Variants in CPE observed in about 807,000 individuals in gnomAD.
CPE encodes carbocypeptidase E.
In CPE, 17 loss-of-function variants were observed where a neutral mutation model predicts 53.5. That is an observed-to-expected ratio of 0.32 (90% CI 0.22 to 0.48). The LOEUF (loss-of-function observed/expected upper bound fraction) is 0.48, where lower values mean the gene tolerates loss of function less well. Ranked by LOEUF, CPE falls within the 20% of genes least tolerant of loss-of-function variation. The probability of loss-of-function intolerance (pLI) is 0.99; values close to 1 mark genes in which losing one functional copy is unlikely to be tolerated. For synonymous variants in CPE, 226 were observed against 228.8 expected (o/e 0.99, Z 0.11); for missense variants, 524 against 614.7 (o/e 0.85, Z 1.56).
chr4:165,386,530 T>C (rs1244474074), intron 1 of CPE, among the ~76,000 whole-genome samples: 1 of 152,196 alleles, frequency 6.6e-6, no homozygotes, highest in Non-Finnish European at 1.5e-5. Flanking sequence ...ATGGTACTTT[T>C]CTTTTGCATA....
rs1392166741 is a variant in CPE, at chr4:165,451,815, TAC to T, written c.308-12573_308-12572del. Among the ~76,000 whole-genome samples, 6 of 152,020 alleles carry T rather than the reference TAC, an allele frequency of 3.9e-5. No individual in the cohort carries two copies. In the East Asian group the frequency reaches 1.2e-3, roughly 29 times the overall value. ...CAGAAGAGGTTTTAAGAAGACAATT[TAC>T]AGAAAAGAAAACCGAGGCTAGGGGT... is the stretch of plus-strand genomic sequence containing the variant. On this transcript the variant is annotated intron_variant, in intron 1 of 8. Transcript: ENST00000402744.
At chr4:165,423,334 C>G (rs1731258893) in intron 1 of CPE, among the ~76,000 whole-genome samples, 1 of 152,056 alleles carries the variant, frequency 6.6e-6, no homozygotes, top group South Asian at 2.1e-4. Flanking sequence ...TCCTTTCACA[C>G]TATTTCATAA....
In CPE at chr4:165,406,285, G is replaced by A. The variant is rs1730952776; in HGVS notation, c.307+26757G>A. 5.0e-6 allele frequency: 3 copies of A among 598,924 alleles called. No individual in the cohort carries two copies. The Admixed American group carries it at 6.4e-5, about 13-fold the overall frequency. 37.1% of individuals were successfully genotyped at this position (598,924 alleles called of 1,614,324 possible). On this transcript the variant is annotated intron_variant, in intron 1 of 8. Transcript: ENST00000402744. ...GTAAAATTGCGGCGTATATAACCTTGGGAGCGGAGGATCCTGAAGGCAGAG... is the reference window on the plus strand; with the variant it reads ...GTAAAATTGCGGCGTATATAACCTTAGGAGCGGAGGATCCTGAAGGCAGAG...
At chr4:165,414,694 TATAC>T (rs777312126) in intron 1 of CPE, among the ~76,000 whole-genome samples, 195 of 135,210 alleles carry the variant, frequency 1.4e-3, no homozygotes, top group Middle Eastern at 0.012. Flanking sequence ...AATATATATA[TATAC>T]ACACACACAC....
At chr4:165,434,643 T>C (rs377754445) in intron 1 of CPE, among the ~76,000 whole-genome samples, 12 of 152,288 alleles carry the variant, frequency 7.9e-5, no homozygotes, top group Admixed American at 3.3e-4. Flanking sequence ...CTGTATTTAA[T>C]AAGCTTTTGA....
At chr4:165,387,367 C>G (rs1337769866) in intron 1 of CPE, among the ~76,000 whole-genome samples, 1 of 152,232 alleles carries the variant, frequency 6.6e-6, no homozygotes, top group Non-Finnish European at 1.5e-5. Context: ...AATCTCTTTA[C>G]TATCAAATCA....
intron 1 of CPE, among the ~76,000 whole-genome samples, chr4:165,400,320 A>G (rs1730845538): frequency 6.6e-6 from 1 of 152,130 alleles, no homozygotes; most frequent in African/African-American, 2.4e-5. Flanking sequence ...TGACTGAGGG[A>G]GGGAGAATAG....
At chr4:165,412,220 C>T (rs1277869784) in intron 1 of CPE, among the ~76,000 whole-genome samples, 3 of 152,048 alleles carry the variant, frequency 2.0e-5, no homozygotes, top group Non-Finnish European at 2.9e-5. Flanking sequence ...TGCAAACTTA[C>T]CTTTATGTTT....
chr4:165,431,266 G>T (rs1731404010), intron 1 of CPE, among the ~76,000 whole-genome samples: 1 of 152,130 alleles, frequency 6.6e-6, no homozygotes, highest in African/African-American at 2.4e-5. Context: ...ATGCCACCTG[G>T]GTTAGCCTGG....
At chr4:165,444,705 T>C (rs1207618308) in intron 1 of CPE, among the ~76,000 whole-genome samples, 1 of 152,004 alleles carries the variant, frequency 6.6e-6, no homozygotes, top group East Asian at 1.9e-4. Flanking sequence ...CTGCCCTCAA[T>C]GCGTCTTCCC....
chr4:165,421,469 C>CA (rs1231252129), intron 1 of CPE, among the ~76,000 whole-genome samples: 3 of 152,180 alleles, frequency 2.0e-5, no homozygotes, highest in Admixed American at 6.5e-5. Flanking sequence ...GTCTTGCTGA[C>CA]AGAGATAGGG....
intron 1 of CPE, among the ~76,000 whole-genome samples, chr4:165,432,995 T>G (rs1731438471): frequency 6.6e-6 from 1 of 152,200 alleles, no homozygotes; most frequent in African/African-American, 2.4e-5. Flanking sequence ...AAAGACAAAA[T>G]TACAACAAAT....
chr4:165,380,197 TCCTCC>T (rs1730485936), intron 1 of CPE, among the ~76,000 whole-genome samples: 1 of 152,114 alleles, frequency 6.6e-6, no homozygotes, highest in South Asian at 2.1e-4. Context: ...TTGGTGCCCC[TCCTCC>T]TACCAGGGTG....
intron 3 of CPE, among the ~76,000 whole-genome samples, chr4:165,477,399 T>A (rs1401641279): frequency 1.3e-5 from 2 of 152,268 alleles, no homozygotes; most frequent in South Asian, 4.1e-4. Flanking sequence ...TAAGCAAGAT[T>A]TGTTTACTTT....
At chr4:165,392,570 TTA>T (rs1730701452) in intron 1 of CPE, among the ~76,000 whole-genome samples, 2 of 146,208 alleles carry the variant, frequency 1.4e-5, no homozygotes, top group South Asian at 4.2e-4. Context: ...GAGCTTATAC[TTA>T]TATATTATAT....
chr4:165,405,423 G>T (rs1730937372), intron 1 of CPE: 1 of 901,362 alleles, frequency 1.1e-6, no homozygotes, highest in African/African-American at 1.6e-5. Flanking sequence ...TCGCTCCCTT[G>T]CTCAATTCCA....
chr4:165,416,695 T>G (rs891159208), intron 1 of CPE, among the ~76,000 whole-genome samples: 1 of 151,788 alleles, frequency 6.6e-6, no homozygotes, highest in African/African-American at 2.4e-5. Flanking sequence ...GCCTTCTTGA[T>G]TCCCCCGGCC....
intron 4 of CPE, among the ~76,000 whole-genome samples, chr4:165,482,751 G>A (rs1285746078): frequency 6.6e-6 from 1 of 152,158 alleles, no homozygotes; most frequent in Non-Finnish European, 1.5e-5. Flanking sequence ...CAGGATCCCT[G>A]TGGATCTCTA....
At chr4:165,435,670 T>G (rs907182699) in intron 1 of CPE, among the ~76,000 whole-genome samples, 1 of 152,090 alleles carries the variant, frequency 6.6e-6, no homozygotes, top group African/African-American at 2.4e-5. Flanking sequence ...ACACATAAAT[T>G]TGAACATGTT....
Sources: allele counts gnomAD v4.1 joint callset (sites outside exome capture counted in the v4.1 genomes callset), GRCh38; gene constraint gnomAD v4.1.1; transcripts MANE v1.5; gene names NCBI Gene and HGNC (gene_info 2026-07-23, HGNC 2026-07-21).